Variants in PDE4D observed in about 807,000 individuals in gnomAD.
The protein encoded by PDE4D is 3',5'-cyclic-AMP phosphodiesterase 4D.
In PDE4D, 24 loss-of-function variants were observed where a neutral mutation model predicts 87.4. That is an observed-to-expected ratio of 0.27 (90% CI 0.20 to 0.39). The LOEUF (loss-of-function observed/expected upper bound fraction) is 0.39, where lower values mean the gene tolerates loss of function less well. PDE4D is among the 10% of genes least tolerant of loss of function. PDE4D has a pLI of 1.00. For missense variants in PDE4D, 714 were observed against 1,041.0 expected (o/e 0.69, Z 4.32); for synonymous variants, 384 against 383.2 (o/e 1.00, Z -0.02).
chr5:60,224,835 T>G (rs1016194669), intron 1 of PDE4D, among the ~76,000 whole-genome samples: 1 of 151,962 alleles, frequency 6.6e-6, no homozygotes, highest in Non-Finnish European at 1.5e-5. Flanking sequence ...AAAGAATTCG[T>G]GGCCATTTTT....
At chr5:59,404,516 C>T (rs902988051) in intron 1 of PDE4D, among the ~76,000 whole-genome samples, 1 of 151,974 alleles carries the variant, frequency 6.6e-6, no homozygotes, top group Non-Finnish European at 1.5e-5. Context: ...AAAATTAGCC[C>T]AGCATGGTGG....
chr5:59,881,881 T>G (rs115044369), intron 1 of PDE4D, among the ~76,000 whole-genome samples: 62 of 152,318 alleles, frequency 4.1e-4, no homozygotes, highest in African/African-American at 1.5e-3. Flanking sequence ...CCAAAAGAAG[T>G]GATGCTTGAA....
chr5:60,329,981 T>A (rs999056918), intron 1 of PDE4D, among the ~76,000 whole-genome samples: 1 of 152,214 alleles, frequency 6.6e-6, no homozygotes, highest in South Asian at 2.1e-4. Flanking sequence ...AGCAAACAGC[T>A]CTGCGTGGGC....
At chr5:59,503,637 A>G (rs2153665395) in intron 1 of PDE4D, among the ~76,000 whole-genome samples, 1 of 152,294 alleles carries the variant, frequency 6.6e-6, no homozygotes, top group African/African-American at 2.4e-5. Flanking sequence ...ATATGCTTCT[A>G]AATTATTCTA....
intron 1 of PDE4D, among the ~76,000 whole-genome samples, chr5:59,860,567 A>C (rs1476940059): frequency 6.6e-6 from 1 of 152,240 alleles, no homozygotes; most frequent in Admixed American, 6.5e-5. Context: ...TTTAAAATAT[A>C]TACTTGCAAG....
chr5:60,388,429 C>A (rs1248540397), intron 1 of PDE4D, among the ~76,000 whole-genome samples: 3 of 151,534 alleles, frequency 2.0e-5, no homozygotes, highest in African/African-American at 7.3e-5. Context: ...GCAGAACGTG[C>A]AGGTTTGTTA....
intron 11 of PDE4D, among the ~76,000 whole-genome samples, chr5:58,982,275 C>T (rs1347881842): frequency 1.3e-5 from 2 of 152,172 alleles, no homozygotes; most frequent in Non-Finnish European, 2.9e-5. Context: ...CCTTTATGGC[C>T]TTCTGGAGAA....
At chr5:59,055,066 C>G (rs1762141102) in intron 5 of PDE4D, among the ~76,000 whole-genome samples, 1 of 152,202 alleles carries the variant, frequency 6.6e-6, no homozygotes, top group Non-Finnish European at 1.5e-5. Context: ...GCAGCGGCCA[C>G]TCACTGAAAT....
chr5:60,034,172 G>C (rs59227264), intron 2 of PDE4D, among the ~76,000 whole-genome samples: 1 of 152,206 alleles, frequency 6.6e-6, no homozygotes, highest in Non-Finnish European at 1.5e-5. Flanking sequence ...GTAAAAGTCA[G>C]ATTTGGGGGA....
At chr5:59,819,049 G>C (rs990087081) in intron 1 of PDE4D, among the ~76,000 whole-genome samples, 1 of 152,172 alleles carries the variant, frequency 6.6e-6, no homozygotes, top group Admixed American at 6.5e-5. Flanking sequence ...TGTCTACTTT[G>C]ATCTATACGT....
chr5:59,558,950 T>C (rs553348968), intron 1 of PDE4D, among the ~76,000 whole-genome samples: 1 of 152,094 alleles, frequency 6.6e-6, no homozygotes, highest in Admixed American at 6.5e-5. Context: ...AGGTTGGGGG[T>C]AGTGAAGCTC....
chr5:59,323,157 C>T (rs1216922427), intron 1 of PDE4D, among the ~76,000 whole-genome samples: 1 of 152,072 alleles, frequency 6.6e-6, no homozygotes, highest in Non-Finnish European at 1.5e-5. Context: ...GTGTACAGTG[C>T]CTCCACCCTC....
At chr5:59,142,578 A>C (rs893994734) in intron 5 of PDE4D, among the ~76,000 whole-genome samples, 1 of 152,210 alleles carries the variant, frequency 6.6e-6, no homozygotes. Flanking sequence ...TTGAAATCAC[A>C]CAAAGGGTGG....
chr5:59,667,677 A>T (rs761722682), intron 1 of PDE4D, among the ~76,000 whole-genome samples: 39 of 152,160 alleles, frequency 2.6e-4, no homozygotes, highest in Non-Finnish European at 5.0e-4. Context: ...AGTTTGTGTA[A>T]TATGGTATCA....
intron 1 of PDE4D, among the ~76,000 whole-genome samples, chr5:59,410,675 T>C (rs1447648829): frequency 6.7e-6 from 1 of 150,362 alleles, no homozygotes; most frequent in Non-Finnish European, 1.5e-5. Flanking sequence ...CACAATCTCA[T>C]TCTTTTTTTA....
At chr5:60,294,761 T>G (rs6879388) in intron 1 of PDE4D, among the ~76,000 whole-genome samples, 13,326 of 152,076 alleles carry the variant, frequency 0.088, 1,914 homozygotes, top group African/African-American at 0.31. Context: ...TACAACTGTA[T>G]TTTTACAGTT....
intron 1 of PDE4D, among the ~76,000 whole-genome samples, chr5:59,892,770 T>C (rs1370678675): frequency 6.6e-6 from 1 of 151,982 alleles, no homozygotes; most frequent in East Asian, 1.9e-4. Context: ...CGCAAAACCT[T>C]CACCTTCTCT....
At chr5:60,380,035 A>G (rs1761736620) in intron 1 of PDE4D, among the ~76,000 whole-genome samples, 2 of 152,218 alleles carry the variant, frequency 1.3e-5, no homozygotes, top group African/African-American at 4.8e-5. Flanking sequence ...AAGGTATAAA[A>G]GGTGCTAAGA....
intron 2 of PDE4D, among the ~76,000 whole-genome samples, chr5:60,051,605 C>A (rs553864593): frequency 6.6e-6 from 1 of 152,078 alleles, no homozygotes; most frequent in East Asian, 1.9e-4. Context: ...AAAATCGACA[C>A]CCTAACGTCA....
Sources: gnomAD v4.1 joint callset for allele counts (sites outside exome capture counted in the v4.1 genomes callset) on GRCh38, gnomAD v4.1.1 for gene constraint, MANE v1.5 for transcripts, NCBI Gene and HGNC (gene_info 2026-07-23, HGNC 2026-07-21) for gene names.